The following LAMA2 variants were observed in gnomAD, a reference collection of about 807,000 sequenced individuals.
LAMA2 encodes laminin subunit alpha-2.
In LAMA2, 269 loss-of-function variants were observed where a neutral mutation model predicts 364.8. The ratio of observed to expected loss-of-function variants is 0.74; its 90% CI spans 0.67 to 0.82. The LOEUF is 0.82. LAMA2 is among the 40% of genes least tolerant of loss of function. LAMA2 has a pLI of 0.00. For synonymous variants in LAMA2, 1,379 were observed against 1,370.6 expected (o/e 1.01, Z -0.14); for missense variants, 3,807 against 3,873.2 (o/e 0.98, Z 0.45).
At chr6:129,169,499 C>G (rs1779993081) in intron 9 of LAMA2, among the ~76,000 whole-genome samples, 1 of 151,080 alleles carries the variant, frequency 6.6e-6, no homozygotes, top group Admixed American at 6.6e-5. Flanking sequence ...GCCTTGCATC[C>G]CAGGGATGAA....
At position 129,270,353 on chromosome 6, in the gene LAMA2, A is replaced by T. The variant is rs188549496; in HGVS notation, c.2323-271A>T. On this transcript the variant is annotated intron_variant, in intron 16 of 64. Coordinates refer to ENST00000421865, the MANE Select transcript of LAMA2 (RefSeq NM_000426.4). ...TATTTTCTTAAGGAAAATAAAGAAA[A>T]AATGAAGTAAGATTTGCATAATGAA... Among the ~76,000 whole-genome samples, 83 of 152,146 alleles carry T rather than the reference A, an allele frequency of 5.5e-4. 2 individuals are homozygous for T. The East Asian group carries it at 0.015, about 27-fold the overall frequency.
intron 1 of LAMA2, among the ~76,000 whole-genome samples, chr6:128,987,060 ATCT>A (rs1433055224): frequency 6.6e-6 from 1 of 151,174 alleles, no homozygotes. Flanking sequence ...GCTACAAATA[ATCT>A]TGCAATCAGT....
Position 129,403,813 on chromosome 6 carries a change from C to G in LAMA2, c.5727-8C>G, listed in dbSNP as rs1173954553. 1.9e-6 allele frequency: 3 copies of G among 1,612,338 alleles called. No homozygotes were observed. The Admixed American group carries it at 5.0e-5, about 27-fold the overall frequency. Reference sequence around the variant, plus strand: ...CCCTGACATTCCTTTTTTGAATCATCCCACCAGAATCCTTGATGAGGCTAA... The same window carrying G: ...CCCTGACATTCCTTTTTTGAATCATGCCACCAGAATCCTTGATGAGGCTAA... On this transcript the variant is annotated splice_polypyrimidine_tract_variant and splice_region_variant and intron_variant, in intron 39 of 64. Transcript: ENST00000421865.
At chr6:129,102,878 C>G (rs550484431) in intron 4 of LAMA2, among the ~76,000 whole-genome samples, 2 of 152,286 alleles carry the variant, frequency 1.3e-5, no homozygotes, top group Admixed American at 1.3e-4. Flanking sequence ...TTGCTATAAC[C>G]CAGTGACAGC....
intron 37 of LAMA2, among the ~76,000 whole-genome samples, chr6:129,397,515 A>G (rs1385729163): frequency 2.0e-5 from 3 of 152,298 alleles, no homozygotes; most frequent in Admixed American, 6.5e-5. Context: ...TTCCGTGAAT[A>G]AATAAAGTGC....
rs1309996095 is a variant in LAMA2 at position 129,195,266 on chromosome 6, G to C, written c.1782+2413G>C. 2.0e-5 allele frequency among the ~76,000 whole-genome samples: 3 copies of C among 152,174 alleles called. 1 individual carries two copies. The highest frequency in any genetic ancestry group is 2.0e-4 in the Admixed American group (3 of 15,262). On this transcript the variant is annotated intron_variant, in intron 12 of 64. Transcript: ENST00000421865. ...TCTTATAATGGAGATGCCACATGCT[G>C]TTATTCTTTTTTTAGGAGCCTAATC...
At chr6:129,039,809 G>T (rs1428292023) in intron 1 of LAMA2, among the ~76,000 whole-genome samples, 1 of 152,178 alleles carries the variant, frequency 6.6e-6, no homozygotes, top group Non-Finnish European at 1.5e-5. Flanking sequence ...AGAGTCTAAT[G>T]CTGTTGCTTA....
intron 1 of LAMA2, among the ~76,000 whole-genome samples, chr6:128,949,593 T>A (rs929981033): frequency 6.6e-6 from 1 of 152,016 alleles, no homozygotes; most frequent in South Asian, 2.1e-4. Flanking sequence ...AAGGAGAATG[T>A]TTGATGAGCT....
chr6:128,948,508 T>C (rs1780615763), intron 1 of LAMA2, among the ~76,000 whole-genome samples: 1 of 152,148 alleles, frequency 6.6e-6, no homozygotes, highest in African/African-American at 2.4e-5. Flanking sequence ...TATGCTTGAG[T>C]CATTCCAAAT....
At chr6:129,232,317 G>T (rs924629974) in intron 12 of LAMA2, among the ~76,000 whole-genome samples, 4 of 152,016 alleles carry the variant, frequency 2.6e-5, no homozygotes, top group African/African-American at 9.7e-5. Context: ...AGATAGAAAG[G>T]TATATATTCT....
chr6:129,371,607 C>CTTTTTT (rs376262275), intron 34 of LAMA2, among the ~76,000 whole-genome samples: 2 of 132,576 alleles, frequency 1.5e-5, no homozygotes, highest in Non-Finnish European at 3.2e-5. Context: ...AAAAGTATTT[C>CTTTTTT]TTTTTTTTTT....
At chr6:128,996,405 A>G (rs1195131005) in intron 1 of LAMA2, among the ~76,000 whole-genome samples, 1 of 152,224 alleles carries the variant, frequency 6.6e-6, no homozygotes, top group Non-Finnish European at 1.5e-5. Flanking sequence ...AATACCCAGA[A>G]TCTACAAGGA....
At chr6:129,499,304 G>C (rs1785442481) in intron 58 of LAMA2, among the ~76,000 whole-genome samples, 1 of 152,014 alleles carries the variant, frequency 6.6e-6, no homozygotes, top group Non-Finnish European at 1.5e-5. Flanking sequence ...ACACATTTGA[G>C]AGATTAGTGC....
chr6:129,143,799 G>C, intron 4 of LAMA2, 102 bp from the exon 5 acceptor site: 2 of 827,024 alleles, frequency 2.4e-6, no homozygotes, highest in Non-Finnish European at 3.9e-6. Flanking sequence ...GTAACTAATT[G>C]GGAGAATGGG....
intron 40 of LAMA2, among the ~76,000 whole-genome samples, chr6:129,414,855 A>G (rs1213846016): frequency 6.6e-6 from 1 of 152,176 alleles, no homozygotes; most frequent in Non-Finnish European, 1.5e-5. Context: ...AAATCTTTCA[A>G]ATATTCTTCT....
At chr6:129,379,612 C>A (rs1778566722) in intron 34 of LAMA2, among the ~76,000 whole-genome samples, 1 of 152,050 alleles carries the variant, frequency 6.6e-6, no homozygotes. Context: ...GTCTTCCTAC[C>A]CTCTTCCTGC....
chr6:129,495,165 G>A (rs1054115795), intron 58 of LAMA2, among the ~76,000 whole-genome samples: 4 of 152,090 alleles, frequency 2.6e-5, no homozygotes, highest in African/African-American at 4.8e-5. Flanking sequence ...GAAAGCCATC[G>A]GTTACATTAA....
intron 41 of LAMA2, among the ~76,000 whole-genome samples, chr6:129,432,336 G>A (rs1781637262): frequency 6.6e-6 from 1 of 152,312 alleles, no homozygotes; most frequent in Non-Finnish European, 1.5e-5. Context: ...CAAATATAGA[G>A]GGGCAGGTTC....
chr6:129,054,809 A>C (rs959435905), intron 2 of LAMA2, among the ~76,000 whole-genome samples: 45 of 150,510 alleles, frequency 3.0e-4, no homozygotes, highest in Non-Finnish European at 3.3e-4. Context: ...AAATAAGAAA[A>C]TGTATCCAAT....
Sources: allele counts gnomAD v4.1 joint callset (sites outside exome capture counted in the v4.1 genomes callset), GRCh38; gene constraint gnomAD v4.1.1; transcripts MANE v1.5; gene names NCBI Gene and HGNC (gene_info 2026-07-23, HGNC 2026-07-21).